The following NLGN1 variants were observed in gnomAD, a reference collection of about 807,000 sequenced individuals.
The protein encoded by NLGN1 is neuroligin-1.
In NLGN1, 12 loss-of-function variants were observed where a neutral mutation model predicts 65.5. That is an observed-to-expected ratio of 0.18 (90% CI 0.12 to 0.30). NLGN1 has a LOEUF of 0.30. Ranked by LOEUF, NLGN1 falls within the 10% of genes least tolerant of loss-of-function variation. The pLI is 1.00. For synonymous variants in NLGN1, 350 were observed against 359.5 expected (o/e 0.97, Z 0.30); for missense variants, 750 against 1,007.1 (o/e 0.74, Z 3.46).
chr3:174,265,326 A>G (rs1481055744), intron 4 of NLGN1, among the ~76,000 whole-genome samples: 3 of 151,916 alleles, frequency 2.0e-5, no homozygotes, highest in South Asian at 4.2e-4. Context: ...GCTAGCAATC[A>G]GTGAGACTCC....
chr3:173,721,942 T>TAAA (rs34282659), intron 3 of NLGN1, among the ~76,000 whole-genome samples: 1 of 147,130 alleles, frequency 6.8e-6, no homozygotes, highest in Non-Finnish European at 1.5e-5. Context: ...TATCTGCTCG[T>TAAA]AAAAAAAAAA....
chr3:173,492,101 T>A (rs1479418336), intron 2 of NLGN1, among the ~76,000 whole-genome samples: 1 of 151,864 alleles, frequency 6.6e-6, no homozygotes, highest in Non-Finnish European at 1.5e-5. Context: ...ACTCTATGTA[T>A]AATTTCTCCA....
chr3:173,789,515 C>T (rs1345227595), intron 3 of NLGN1, among the ~76,000 whole-genome samples: 1 of 152,212 alleles, frequency 6.6e-6, no homozygotes, highest in African/African-American at 2.4e-5. Flanking sequence ...TTCCTTTTCA[C>T]AGCCAAAGAA....
chr3:173,560,132 A>G (rs1742453419), intron 2 of NLGN1, among the ~76,000 whole-genome samples: 1 of 151,976 alleles, frequency 6.6e-6, no homozygotes. Context: ...TTTAGTAGAG[A>G]CGGGGTTTCA....
intron 4 of NLGN1, among the ~76,000 whole-genome samples, chr3:174,045,377 C>T (rs1205381210): frequency 6.6e-6 from 1 of 152,028 alleles, no homozygotes; most frequent in African/African-American, 2.4e-5. Context: ...AGGGGAAAAG[C>T]CCCTCATAAA....
At chr3:173,927,663 T>C (rs143778615) in intron 4 of NLGN1, among the ~76,000 whole-genome samples, 18 of 152,172 alleles carry the variant, frequency 1.2e-4, no homozygotes, top group African/African-American at 4.3e-4. Context: ...AGTGGCCTCA[T>C]TTTAGGATTG....
exon 7 of NLGN1, chr3:174,282,769 C>T (rs1034167363): frequency 8.6e-5 from 13 of 152,012 alleles, no homozygotes; most frequent in African/African-American, 2.9e-4. Context: ...TACTTTCTCT[C>T]TCACCTGTAC....
chr3:173,982,419 A>T (rs895868072), intron 4 of NLGN1, among the ~76,000 whole-genome samples: 7 of 152,108 alleles, frequency 4.6e-5, no homozygotes, highest in Non-Finnish European at 1.0e-4. Flanking sequence ...AAACAGGAGG[A>T]AACAATGGAA....
intron 4 of NLGN1, among the ~76,000 whole-genome samples, chr3:174,201,417 A>G (rs1208402160): frequency 6.6e-6 from 1 of 151,978 alleles, no homozygotes; most frequent in Non-Finnish European, 1.5e-5. Flanking sequence ...AAGAAAAAAG[A>G]AATTGGGCCC....
intron 4 of NLGN1, among the ~76,000 whole-genome samples, chr3:174,185,777 C>T (rs5006275): frequency 0.75 from 112,891 of 151,236 alleles, 42,181 homozygotes; most frequent in Admixed American, 0.77. Flanking sequence ...AAAAAAATGT[C>T]AGTAAAGGTA....
At chr3:173,929,091 G>A (rs1434165526) in intron 4 of NLGN1, among the ~76,000 whole-genome samples, 1 of 152,180 alleles carries the variant, frequency 6.6e-6, no homozygotes, top group Non-Finnish European at 1.5e-5. Context: ...TAGGTTCTAT[G>A]TATCCAATCC....
chr3:173,698,789 G>A (rs1766641846), intron 3 of NLGN1, among the ~76,000 whole-genome samples: 1 of 152,242 alleles, frequency 6.6e-6, no homozygotes, highest in East Asian at 1.9e-4. Flanking sequence ...GGAGCTAAGA[G>A]AATGCCAGTG....
intron 4 of NLGN1, among the ~76,000 whole-genome samples, chr3:173,875,242 G>T (rs1374321950): frequency 6.6e-6 from 1 of 152,164 alleles, no homozygotes; most frequent in African/African-American, 2.4e-5. Flanking sequence ...AGCCATGGCA[G>T]TTATTATTTC....
intron 4 of NLGN1, among the ~76,000 whole-genome samples, chr3:173,971,843 A>T (rs1233670515): frequency 6.6e-6 from 1 of 152,054 alleles, no homozygotes; most frequent in African/African-American, 2.4e-5. Flanking sequence ...CCAGATAGGG[A>T]CTACAACTGA....
At chr3:173,720,239 T>C (rs1381627902) in intron 3 of NLGN1, among the ~76,000 whole-genome samples, 4 of 152,208 alleles carry the variant, frequency 2.6e-5, no homozygotes, top group African/African-American at 7.2e-5. Context: ...ATAAACACTC[T>C]TGAGAGAGTC....
intron 4 of NLGN1, among the ~76,000 whole-genome samples, chr3:174,260,868 G>A (rs1746755024): frequency 1.4e-5 from 2 of 147,644 alleles, no homozygotes; most frequent in Non-Finnish European, 3.0e-5. Context: ...TGTATAAGGT[G>A]TAAGGAAGGG....
At chr3:174,262,878 T>C (rs1160503848) in intron 4 of NLGN1, among the ~76,000 whole-genome samples, 9 of 107,288 alleles carry the variant, frequency 8.4e-5, no homozygotes, top group Non-Finnish European at 1.3e-4. Flanking sequence ...GATTCTGGTA[T>C]GTTGTGTCTT....
intron 4 of NLGN1, among the ~76,000 whole-genome samples, chr3:173,869,750 A>AT (rs532101810): frequency 8.5e-5 from 13 of 152,104 alleles, no homozygotes; most frequent in African/African-American, 3.1e-4. Flanking sequence ...ACTCCCCAAT[A>AT]TTTTTTTAGT....
intron 4 of NLGN1, among the ~76,000 whole-genome samples, chr3:174,063,876 A>G (rs989071446): frequency 6.6e-6 from 1 of 152,162 alleles, no homozygotes; most frequent in Admixed American, 6.5e-5. Context: ...CAGATCCTAA[A>G]GGATTAAATA....
Sources: allele counts gnomAD v4.1 joint callset (sites outside exome capture counted in the v4.1 genomes callset), GRCh38; gene constraint gnomAD v4.1.1; transcripts MANE v1.5; gene names NCBI Gene and HGNC (gene_info 2026-07-23, HGNC 2026-07-21).